The following ZNF385B variants were observed in gnomAD, a reference collection of about 807,000 sequenced individuals.
ZNF385B encodes zinc finger protein 385B.
ZNF385B carries 23 observed loss-of-function variants against 39.2 expected under a neutral mutation model. The observed-to-expected ratio is 0.59, with a 90% CI of 0.42 to 0.83. ZNF385B has a LOEUF of 0.83. Ranked by LOEUF, ZNF385B falls within the 40% of genes least tolerant of loss-of-function variation. ZNF385B has a pLI of 0.00. For missense variants in ZNF385B, 552 were observed against 598.9 expected (o/e 0.92, Z 0.82); for synonymous variants, 205 against 222.6 (o/e 0.92, Z 0.70).
At chr2:179,766,092 A>G (rs1703677300) in intron 3 of ZNF385B, among the ~76,000 whole-genome samples, 1 of 150,682 alleles carries the variant, frequency 6.6e-6, no homozygotes, top group Non-Finnish European at 1.5e-5. Flanking sequence ...GTACACTCTA[A>G]GAATCTTCCT....
At chr2:179,705,942 C>A (rs1289827852) in intron 3 of ZNF385B, among the ~76,000 whole-genome samples, 1 of 152,306 alleles carries the variant, frequency 6.6e-6, no homozygotes, top group East Asian at 1.9e-4. Flanking sequence ...CTCTCTGTCC[C>A]CTTTCTCCTT....
chr2:179,538,419 C>T (rs982775466), intron 4 of ZNF385B, among the ~76,000 whole-genome samples: 24 of 151,986 alleles, frequency 1.6e-4, no homozygotes, highest in African/African-American at 3.6e-4. Context: ...AAGCATAGCA[C>T]GAATTAAAAG....
intron 3 of ZNF385B, among the ~76,000 whole-genome samples, chr2:179,709,851 AC>A (rs980803634): frequency 5.3e-5 from 8 of 152,142 alleles, no homozygotes; most frequent in South Asian, 2.1e-4. Context: ...ACTTGTGTGT[AC>A]ACCTGCACAG....
chr2:179,636,157 A>G (rs1190745345), intron 3 of ZNF385B, among the ~76,000 whole-genome samples: 1 of 152,108 alleles, frequency 6.6e-6, no homozygotes, highest in African/African-American at 2.4e-5. Flanking sequence ...GTGGTTGAAA[A>G]TTTTCCACAG....
At chr2:179,528,898 G>A (rs2059091244) in intron 4 of ZNF385B, among the ~76,000 whole-genome samples, 1 of 152,194 alleles carries the variant, frequency 6.6e-6, no homozygotes, top group Non-Finnish European at 1.5e-5. Context: ...CAAGAGTGAT[G>A]CAGCAAAGCT....
At chr2:179,788,524 G>C (rs1705139774) in intron 1 of ZNF385B, among the ~76,000 whole-genome samples, 1 of 152,094 alleles carries the variant, frequency 6.6e-6, no homozygotes, top group Non-Finnish European at 1.5e-5. Context: ...GCTTTGGTGG[G>C]TATGATATGG....
At chr2:179,623,802 A>C (rs1690427745) in intron 3 of ZNF385B, among the ~76,000 whole-genome samples, 1 of 152,098 alleles carries the variant, frequency 6.6e-6, no homozygotes, top group South Asian at 2.1e-4. Context: ...CTTTTCAACA[A>C]ATTTCTTTTC....
At chr2:179,513,021 C>T (rs1272393219) in intron 5 of ZNF385B, among the ~76,000 whole-genome samples, 1 of 152,110 alleles carries the variant, frequency 6.6e-6, no homozygotes, top group Non-Finnish European at 1.5e-5. Flanking sequence ...AACTCTGGTA[C>T]ATTTTATATG....
intron 1 of ZNF385B, among the ~76,000 whole-genome samples, chr2:179,818,765 T>C (rs1248729344): frequency 1.3e-5 from 2 of 152,134 alleles, no homozygotes; most frequent in Admixed American, 1.3e-4. Context: ...TCACCGTCTG[T>C]CTACTCAATG....
chr2:179,533,690 T>C (rs1461156535), intron 4 of ZNF385B, among the ~76,000 whole-genome samples: 2 of 152,186 alleles, frequency 1.3e-5, no homozygotes, highest in Non-Finnish European at 2.9e-5. Context: ...ATTTCTATTA[T>C]CAATACATGA....
At chr2:179,649,306 C>T (rs1354678020) in intron 3 of ZNF385B, among the ~76,000 whole-genome samples, 1 of 152,162 alleles carries the variant, frequency 6.6e-6, no homozygotes, top group Non-Finnish European at 1.5e-5. Context: ...GATTCTATAT[C>T]TATCTATATT....
At chr2:179,841,648 TCCCCATCCCCA>T (rs2106615738) in intron 1 of ZNF385B, among the ~76,000 whole-genome samples, 1 of 152,288 alleles carries the variant, frequency 6.6e-6, no homozygotes, top group East Asian at 1.9e-4. Context: ...TGTAACATAC[TCCCCATCCCCA>T]GTTGTAACTA....
At chr2:179,475,815 G>A (rs1211955110) in intron 6 of ZNF385B, among the ~76,000 whole-genome samples, 2 of 26,542 alleles carry the variant, frequency 7.5e-5, no homozygotes, top group African/African-American at 2.9e-4. Flanking sequence ...TCAGGAGTTC[G>A]AGACCAGCCT....
chr2:179,562,739 G>T, intron 3 of ZNF385B: 1 of 236,814 alleles, frequency 4.2e-6, no homozygotes, highest in Non-Finnish European at 6.9e-6. Flanking sequence ...CTACCACTCT[G>T]TCATAGTAAA....
At chr2:179,620,325 C>A (rs1216865205) in intron 3 of ZNF385B, among the ~76,000 whole-genome samples, 3 of 152,166 alleles carry the variant, frequency 2.0e-5, no homozygotes. Context: ...TGCAGTGATA[C>A]TCTGATCTTC....
chr2:179,684,055 G>T (rs755626519), intron 3 of ZNF385B, among the ~76,000 whole-genome samples: 22 of 151,982 alleles, frequency 1.4e-4, no homozygotes, highest in Non-Finnish European at 2.4e-4. Flanking sequence ...CTGAAAGATG[G>T]ACCTTGGAGC....
intron 3 of ZNF385B, chr2:179,584,141 T>C (rs1322731246): frequency 4.8e-6 from 2 of 418,600 alleles, no homozygotes; most frequent in Non-Finnish European, 9.7e-6. Context: ...AATGACATTT[T>C]GAACTGAATA....
intron 3 of ZNF385B, among the ~76,000 whole-genome samples, chr2:179,673,997 T>G (rs1238390028): frequency 6.6e-6 from 1 of 152,208 alleles, no homozygotes; most frequent in East Asian, 1.9e-4. Context: ...GTATTGATCT[T>G]AGAAGCACAG....
At chr2:179,579,802 T>C (rs921673597) in intron 3 of ZNF385B, among the ~76,000 whole-genome samples, 8 of 152,212 alleles carry the variant, frequency 5.3e-5, no homozygotes, top group Non-Finnish European at 4.4e-5. Context: ...GCAGATGTTT[T>C]GTTATTTCTA....
Sources: allele counts gnomAD v4.1 joint callset (sites outside exome capture counted in the v4.1 genomes callset), GRCh38; gene constraint gnomAD v4.1.1; transcripts MANE v1.5; gene names NCBI Gene and HGNC (gene_info 2026-07-23, HGNC 2026-07-21).